NF1: variants seen among roughly 807,000 people sequenced by gnomAD.
The protein encoded by NF1 is neurofibromin 1.
Under a neutral mutation model 325.7 loss-of-function variants are expected in NF1, and 122 were observed. The observed-to-expected ratio is 0.37, with a 90% CI of 0.32 to 0.44. The LOEUF (loss-of-function observed/expected upper bound fraction) is 0.44. Ranked by LOEUF, NF1 falls within the 20% of genes least tolerant of loss-of-function variation. The probability of loss-of-function intolerance (pLI) is 1.00; values close to 1 mark genes in which losing one functional copy is unlikely to be tolerated. For synonymous variants in NF1, 1,091 were observed against 1,186.0 expected, an observed-to-expected ratio of 0.92 and a Z score of 1.65; for missense variants, 2,140 against 3,415.4, an observed-to-expected ratio of 0.63 and a Z score of 9.31.
intron 57 of NF1, among the ~76,000 whole-genome samples, chr17:31,363,487 G>C (rs1242295225): frequency 6.8e-6 from 1 of 147,036 alleles, no homozygotes; most frequent in Non-Finnish European, 1.5e-5. Flanking sequence ...GCCGAGGCTG[G>C]AGTCAGTGGT....
chr17:31,259,538 T>C (rs1424157657), intron 33 of NF1, among the ~76,000 whole-genome samples: 3 of 152,178 alleles, frequency 2.0e-5, no homozygotes, highest in Non-Finnish European at 4.4e-5. Flanking sequence ...GAAGTGTATC[T>C]AAACTAAAAT....
chr17:31,201,259 TCTCA>T, intron 10 of NF1, 100 bp downstream of exon 10: 2 of 1,535,428 alleles, frequency 1.3e-6, no homozygotes, highest in South Asian at 1.1e-5. Context: ...TATCGGTATT[TCTCA>T]CTATTATGTA....
intron 8 of NF1, chr17:31,182,947 A>G (rs979679675): frequency 1.7e-6 from 1 of 590,876 alleles, no homozygotes; most frequent in Non-Finnish European, 3.0e-6. Flanking sequence ...TGTTATTATT[A>G]AACGTAGTTT....
At chr17:31,115,485 A>T (rs1054602456) in intron 1 of NF1, among the ~76,000 whole-genome samples, 2 of 152,200 alleles carry the variant, frequency 1.3e-5, no homozygotes, top group African/African-American at 4.8e-5. Context: ...ATTTTTAGGA[A>T]TAATAGAGGA....
rs16972176 is a variant in NF1 at position 31,305,646 on chromosome 17, A to C, written c.4836-20174A>C. On this transcript the variant is annotated intron_variant, in intron 36 of 57. Coordinates refer to ENST00000358273, the MANE Select transcript of NF1 (RefSeq NM_001042492.3). ...TCCTCGTTATCTATAGCGGGTTTATAATGAAAGAGAAAGACAGTTAGGCGT... is the reference window on the plus strand; with the variant it reads ...TCCTCGTTATCTATAGCGGGTTTATCATGAAAGAGAAAGACAGTTAGGCGT... The C allele has an allele frequency of 1.7e-3, 2,713 of 1,570,802 alleles. 41 individuals are homozygous for C. The African/African-American group carries it at 0.033, about 19-fold the overall frequency.
intron 8 of NF1, among the ~76,000 whole-genome samples, chr17:31,185,752 T>A (rs1257474050): frequency 6.6e-6 from 1 of 152,182 alleles, no homozygotes; most frequent in Non-Finnish European, 1.5e-5. Flanking sequence ...GAGAAGGCTC[T>A]GCAACAGGTC....
chr17:31,374,130 G>T lies in NF1; in HGVS notation c.8495G>T (p.Arg2832Leu). 1 of 1,614,064 alleles carries T rather than the reference G, an allele frequency of 6.2e-7. No individual in the cohort carries two copies. The highest frequency in any genetic ancestry group is 8.5e-7 in the Non-Finnish European group (1 of 1,179,954). Residue 2832 changes from arginine (R) to leucine (L), a missense_variant, in exon 58 of 58, where the codon CGT becomes CTT. Arg to Leu is a moderately radical substitution (Grantham distance 102). Around this residue, in one of 10 missense-constraint regions of NF1, gnomAD observed 522 missense variants for 749.0 expected, o/e 0.70. Coordinates refer to ENST00000358273, the MANE Select transcript of NF1 (RefSeq NM_001042492.3). ...CAAAGAAGCGCTGGCAGTTTCAAAC[G>T]TAATAGCATTAAGAAGATCGTGTGA... ...QKQRSAGSFK[R>L]NSIKKIV is the part of the protein sequence containing the mutation.
chr17:31,314,227 A>G (rs368521049), intron 36 of NF1: 1 of 373,894 alleles, frequency 2.7e-6, no homozygotes, highest in East Asian at 3.9e-5. Flanking sequence ...TTGGAGCCCT[A>G]TGATTTGAGT....
At chr17:31,328,409 A>G (rs944962374) in intron 38 of NF1, among the ~76,000 whole-genome samples, 1 of 152,220 alleles carries the variant, frequency 6.6e-6, no homozygotes, top group African/African-American at 2.4e-5. Context: ...TTGAACAGAT[A>G]TGCCACTTTC....
intron 1 of NF1, among the ~76,000 whole-genome samples, chr17:31,151,594 T>C (rs1159237190): frequency 6.6e-6 from 1 of 152,202 alleles, no homozygotes; most frequent in Non-Finnish European, 1.5e-5. Context: ...GTCCCTGATA[T>C]GAAATGGTGT....
intron 36 of NF1, among the ~76,000 whole-genome samples, chr17:31,282,243 GCGGTGGCAGGCAC>G (rs2068134068): frequency 6.6e-6 from 1 of 151,760 alleles, no homozygotes; most frequent in Non-Finnish European, 1.5e-5. Context: ...TCAGCTGGGC[GCGGTGGCAGGCAC>G]CTGTAGTCCC....
chr17:31,277,651 T>G (rs1389798526), intron 36 of NF1, among the ~76,000 whole-genome samples: 13 of 152,058 alleles, frequency 8.5e-5, no homozygotes, highest in Non-Finnish European at 1.5e-4. Context: ...AGCGGAAGAT[T>G]AGGGAGAAGA....
At chr17:31,228,886 A>C in intron 20 of NF1, 139 bp from the exon 21 acceptor site, 1 of 655,242 alleles carries the variant, frequency 1.5e-6, no homozygotes, top group Non-Finnish European at 2.6e-6. Context: ...TGTATATGGT[A>C]ATTTTATGGG....
intron 5 of NF1, among the ~76,000 whole-genome samples, chr17:31,170,816 A>G (rs1005730175): frequency 2.0e-5 from 3 of 152,210 alleles, no homozygotes; most frequent in Non-Finnish European, 2.9e-5. Context: ...TAAACTGAGT[A>G]TGAATATCTA....
chr17:31,296,759 T>A (rs1159535961), intron 36 of NF1: 3 of 229,118 alleles, frequency 1.3e-5, no homozygotes, highest in East Asian at 1.0e-4. Flanking sequence ...CTTTTTTTTT[T>A]AATCTCTGCA....
intron 8 of NF1, among the ~76,000 whole-genome samples, chr17:31,196,652 T>A (rs1206881964): frequency 2.0e-5 from 3 of 152,150 alleles, no homozygotes; most frequent in Middle Eastern, 3.2e-3. Context: ...TATTTTCTTA[T>A]AGGAGTTTTA....
Position 31,377,306 on chromosome 17 carries a change from T to A in NF1, c.*3151T>A. 1 of 233,510 alleles carries A rather than the reference T, an allele frequency of 4.3e-6. No homozygotes were observed. The highest frequency in any genetic ancestry group is 6.1e-5 in the East Asian group (1 of 16,518). 14.5% of individuals were successfully genotyped at this position (233,510 alleles called of 1,614,324 possible). On this transcript the variant is annotated 3_prime_UTR_variant, in exon 58 of 58. Transcript: ENST00000358273. The stretch of plus-strand genomic sequence containing the variant: ...TTTGCTTTTTTGTAAAGCAGTTAGT[T>A]GCTGCACATGGATAACAACAAAAAT...
At chr17:31,164,805 A>G (rs2065819083) in intron 4 of NF1, among the ~76,000 whole-genome samples, 1 of 152,238 alleles carries the variant, frequency 6.6e-6, no homozygotes, top group Non-Finnish European at 1.5e-5. Flanking sequence ...TGATCCAAAG[A>G]AAATTAAAGT....
intron 36 of NF1, among the ~76,000 whole-genome samples, chr17:31,277,643 C>T (rs781228811): frequency 3.3e-5 from 5 of 151,920 alleles, no homozygotes; most frequent in African/African-American, 7.3e-5. Context: ...GGAATACAAG[C>T]GGAAGATTAG....
Sources: gnomAD v4.1 joint callset for allele counts (sites outside exome capture counted in the v4.1 genomes callset) on GRCh38, gnomAD v4.1.1 for gene constraint, gnomAD v4.1.1 regional missense constraint, MANE v1.5 for transcripts, NCBI Gene and HGNC (gene_info 2026-07-23, HGNC 2026-07-21) for gene names.